The following SPAST variants were observed in gnomAD, a reference collection of about 807,000 sequenced individuals.
The protein encoded by SPAST is spastic paraplegia 4 (autosomal dominant; spastin).
A neutral mutation model predicts 76.6 loss-of-function variants in SPAST; 30 were observed. That is an observed-to-expected ratio of 0.39 (90% confidence interval 0.29 to 0.53). The LOEUF is 0.53. Among genes scored for constraint, SPAST ranks in the 20% least tolerant of loss-of-function variants. SPAST has a pLI of 0.68. For synonymous variants in SPAST, 305 were observed against 281.0 expected, an observed-to-expected ratio of 1.09 and a Z score of -0.86; for missense variants, 717 against 770.5, an observed-to-expected ratio of 0.93 and a Z score of 0.82.
chr2:32,080,416 A>C (rs1174959659), intron 1 of SPAST, among the ~76,000 whole-genome samples: 2 of 74,754 alleles, frequency 2.7e-5, no homozygotes, highest in Admixed American at 1.4e-4. Context: ...ATAGTTTGCT[A>C]AGGCATGCAT....
intron 1 of SPAST, among the ~76,000 whole-genome samples, chr2:32,069,460 G>A (rs952767931): frequency 6.6e-6 from 1 of 151,808 alleles, no homozygotes; most frequent in African/African-American, 2.4e-5. Context: ...AGTTGAATAG[G>A]CAGTCTCTTC....
chr2:32,153,591 C>T (rs1252571303), intron 16 of SPAST, among the ~76,000 whole-genome samples: 2 of 151,770 alleles, frequency 1.3e-5, no homozygotes, highest in African/African-American at 4.8e-5. Context: ...GCGGGGATTA[C>T]AGGTGTGAGC....
intron 2 of SPAST, among the ~76,000 whole-genome samples, chr2:32,088,223 G>A (rs1352617307): frequency 6.6e-6 from 1 of 151,796 alleles, no homozygotes; most frequent in African/African-American, 2.4e-5. Flanking sequence ...TGTAGAGACA[G>A]GGTCTCACTG....
chr2:32,080,459 T>TAGTTACACTATTGGCTAA (rs1677174272), intron 1 of SPAST, among the ~76,000 whole-genome samples: 1 of 68,834 alleles, frequency 1.5e-5, no homozygotes, highest in Non-Finnish European at 3.2e-5. Context: ...GGCTAATAAT[T>TAGTTACACTATTGGCTAA]TAAACTACAA....
At chr2:32,079,937 T>G (rs182720222) in intron 1 of SPAST, among the ~76,000 whole-genome samples, 2 of 152,182 alleles carry the variant, frequency 1.3e-5, no homozygotes, top group Admixed American at 6.6e-5. Flanking sequence ...TTCAATACTT[T>G]TGGATATATA....
intron 16 of SPAST, 87 bp downstream of exon 16, chr2:32,147,345 G>GTT (rs71407417): frequency 0.15 from 23,924 of 161,090 alleles, 2,564 homozygotes; most frequent in East Asian, 0.25. Context: ...TGTGTGTGTG[G>GTT]TTTTTTTTTT....
chr2:32,137,866 T>C (rs1251199950), intron 12 of SPAST, among the ~76,000 whole-genome samples: 1 of 152,172 alleles, frequency 6.6e-6, no homozygotes, highest in African/African-American at 2.4e-5. Context: ...TTTATGTCCA[T>C]GTGTACTCAA....
chr2:32,101,797 T>C (rs1186569019), intron 4 of SPAST, among the ~76,000 whole-genome samples: 1 of 152,208 alleles, frequency 6.6e-6, no homozygotes, highest in African/African-American at 2.4e-5. Flanking sequence ...ATGTGTGGTA[T>C]TATTTCTGAG....
At chr2:32,075,282 C>T (rs953426580) in intron 1 of SPAST, among the ~76,000 whole-genome samples, 9 of 151,430 alleles carry the variant, frequency 5.9e-5, no homozygotes, top group Admixed American at 1.3e-4. Flanking sequence ...CAAAATTAGC[C>T]GGGCGTGGTA....
chr2:32,081,974 T>A lies in SPAST; in HGVS notation c.416-5518T>A, dbSNP rs78987363. Among the ~76,000 whole-genome samples the A allele has an allele frequency of 2.0e-5, 3 of 150,544 alleles. No individual in the cohort carries two copies. In the East Asian group the frequency reaches 5.8e-4, roughly 29 times the overall value. On this transcript the variant is annotated intron_variant, in intron 1 of 16. Coordinates refer to ENST00000315285, the MANE Select transcript of SPAST (RefSeq NM_014946.4). ...AAACTCACTAATCCCTTCAAACAGA[T>A]GTTTTTAAAACTTTTTTTCTAGTTC...
intron 1 of SPAST, 134 bp downstream of exon 1, chr2:32,064,380 C>A: frequency 1.2e-6 from 1 of 807,320 alleles, no homozygotes; most frequent in Non-Finnish European, 1.9e-6. Context: ...CCCCGGGAGA[C>A]TGCTTTCCCG....
At chr2:32,117,565 C>G (rs1226966627) in intron 7 of SPAST, among the ~76,000 whole-genome samples, 4 of 133,136 alleles carry the variant, frequency 3.0e-5, no homozygotes, top group Non-Finnish European at 6.2e-5. Context: ...GAATTTTGCT[C>G]CTGTTACCCA....
In SPAST at chr2:32,075,552, T is replaced by C. The variant is rs1376032392; in HGVS notation, c.415+11306T>C. 2.1e-4 allele frequency among the ~76,000 whole-genome samples: 28 copies of C among 133,844 alleles called. 1 individual carries two copies. The highest frequency in any genetic ancestry group is 5.2e-4 in the South Asian group (2 of 3,876). The allele number at this position is 133,844 out of a possible 152,430, so 87.8% of individuals were successfully genotyped here. On this transcript the variant is annotated intron_variant, in intron 1 of 16. Coordinates refer to ENST00000315285, the MANE Select transcript of SPAST (RefSeq NM_014946.4). ...TTTAGTGTCATGGCTTTTTTCTTTT[T>C]TTTTTTTTTTTTTTTGAGACAAAGC...
chr2:32,110,738 G>C (rs111206654), intron 4 of SPAST, among the ~76,000 whole-genome samples: 1 of 127,938 alleles, frequency 7.8e-6, no homozygotes, highest in African/African-American at 3.0e-5. Flanking sequence ...ATAGTACACT[G>C]TATAGTATAT....
chr2:32,068,657 A>G (rs1406289003), intron 1 of SPAST, among the ~76,000 whole-genome samples: 1 of 152,132 alleles, frequency 6.6e-6, no homozygotes, highest in Non-Finnish European at 1.5e-5. Context: ...TAGTTCAACA[A>G]CTGATGCCGT....
At chr2:32,086,324 T>C (rs1677473183) in intron 1 of SPAST, among the ~76,000 whole-genome samples, 1 of 151,570 alleles carries the variant, frequency 6.6e-6, no homozygotes, top group Admixed American at 6.6e-5. Context: ...TAGCTAAGTG[T>C]GGTGGCACAT....
chr2:32,078,693 T>A (rs11124275), intron 1 of SPAST, among the ~76,000 whole-genome samples: 60,601 of 151,968 alleles, frequency 0.4, 12,370 homozygotes, highest in East Asian at 0.64. Context: ...AACTTGAAAA[T>A]CTTCCTTAAC....
chr2:32,143,965 A>C (rs1679805153), intron 14 of SPAST, among the ~76,000 whole-genome samples: 1 of 152,184 alleles, frequency 6.6e-6, no homozygotes, highest in South Asian at 2.1e-4. Flanking sequence ...CTCTTTTAAT[A>C]ATTTTAATTA....
At chr2:32,120,588 T>TTTTTTC (rs1230737855) in intron 7 of SPAST, among the ~76,000 whole-genome samples, 2 of 151,744 alleles carry the variant, frequency 1.3e-5, no homozygotes, top group Non-Finnish European at 2.9e-5. Context: ...TTTTTTTTTT[T>TTTTTTC]TTCCCAGAAT....
Sources: gnomAD v4.1 joint callset for allele counts (sites outside exome capture counted in the v4.1 genomes callset) on GRCh38, gnomAD v4.1.1 for gene constraint, MANE v1.5 for transcripts, NCBI Gene and HGNC (gene_info 2026-07-23, HGNC 2026-07-21) for gene names.